The following OCA2 variants were observed in gnomAD, a reference collection of about 807,000 sequenced individuals.
OCA2 encodes P protein.
OCA2 carries 77 observed loss-of-function variants against 100.2 expected under a neutral mutation model. The ratio of observed to expected loss-of-function variants is 0.77; its 90% confidence interval spans 0.64 to 0.93. The LOEUF is 0.93. OCA2 is among the 40% of genes least tolerant of loss of function. OCA2 has a pLI of 0.00. For synonymous variants in OCA2, 432 were observed against 439.2 expected (o/e 0.98, Z 0.21); for missense variants, 1,062 against 1,089.1 (o/e 0.98, Z 0.35).
At chr15:28,018,304 G>C in intron 7 of OCA2, 93 bp downstream of exon 7, 1 of 1,225,876 alleles carries the variant, frequency 8.2e-7, no homozygotes, top group South Asian at 1.2e-5. Flanking sequence ...CCTCGCCTGT[G>C]GCTCCCCATC....
At chr15:27,949,648 G>A (rs2039966817) in intron 18 of OCA2, among the ~76,000 whole-genome samples, 1 of 152,084 alleles carries the variant, frequency 6.6e-6, no homozygotes, top group Non-Finnish European at 1.5e-5. Context: ...GAGCAACAGA[G>A]TGAGACTCTG....
At chr15:27,924,953 T>C (rs962768927) in intron 19 of OCA2, among the ~76,000 whole-genome samples, 4 of 152,080 alleles carry the variant, frequency 2.6e-5, no homozygotes, top group African/African-American at 9.7e-5. Context: ...TATACCAGTA[T>C]CAGGCAAATA....
intron 17 of OCA2, among the ~76,000 whole-genome samples, chr15:27,953,760 C>G (rs184988629): frequency 0.01 from 1,526 of 148,400 alleles, 28 homozygotes; most frequent in African/African-American, 0.035. Flanking sequence ...TTTTTTTTTT[C>G]TTTTTCTTAT....
At chr15:27,824,446 A>G (rs2151284621) in intron 23 of OCA2, among the ~76,000 whole-genome samples, 1 of 151,762 alleles carries the variant, frequency 6.6e-6, no homozygotes, top group South Asian at 2.1e-4. Flanking sequence ...AGAGATAATG[A>G]TCAAGGGCAT....
At chr15:27,873,418 T>C (rs1425049590) in intron 19 of OCA2, among the ~76,000 whole-genome samples, 1 of 152,256 alleles carries the variant, frequency 6.6e-6, no homozygotes. Flanking sequence ...TAATTTATCA[T>C]AATCCAAATT....
chr15:28,018,044 G>A (rs2042456886), intron 7 of OCA2, among the ~76,000 whole-genome samples: 2 of 151,630 alleles, frequency 1.3e-5, no homozygotes, highest in African/African-American at 4.9e-5. Context: ...TGCTGTGGAA[G>A]TGTCTTCTGA....
chr15:27,998,216 A>G (rs1319304212), intron 9 of OCA2, among the ~76,000 whole-genome samples: 1 of 90,134 alleles, frequency 1.1e-5, no homozygotes, highest in African/African-American at 2.7e-5. Context: ...ATTAAACTAA[A>G]GAGCTTCTGC....
intron 23 of OCA2, among the ~76,000 whole-genome samples, chr15:27,771,902 A>G (rs72708994): frequency 0.023 from 3,526 of 152,264 alleles, 61 homozygotes; most frequent in South Asian, 0.034. Context: ...CTAATTTTGT[A>G]TGCTTGCCTT....
At chr15:27,739,991 T>C in the OCA2 span, among the ~76,000 whole-genome samples, 293 of 152,316 alleles carry the variant, frequency 1.9e-3, 1 homozygote, top group African/African-American at 6.9e-3. Flanking sequence ...CTCAGCACAC[T>C]ACTGTTTAAG....
chr15:27,858,407 A>C (rs2036018583), intron 21 of OCA2, among the ~76,000 whole-genome samples: 2 of 151,318 alleles, frequency 1.3e-5, no homozygotes, highest in Admixed American at 1.3e-4. Flanking sequence ...AAAAAAAAAC[A>C]GAAATTGGCA....
chr15:27,771,509 G>A (rs2031863878), intron 23 of OCA2, among the ~76,000 whole-genome samples: 1 of 152,186 alleles, frequency 6.6e-6, no homozygotes, highest in African/African-American at 2.4e-5. Context: ...GCCGCGGGCC[G>A]AGTCCAGCTG....
At position 27,957,778 on chromosome 15, in the gene OCA2, A is replaced by G; in HGVS notation, c.1637-43T>C. Reference sequence around the variant, plus strand: ...CGAAGCTTGGGTCTCCCATGACCTCAGATATCAGCAACACCCTCCTCTGTT... The same window carrying G: ...CGAAGCTTGGGTCTCCCATGACCTCGGATATCAGCAACACCCTCCTCTGTT... On this transcript the variant is annotated intron_variant, in intron 15 of 23. Coordinates refer to ENST00000354638, the MANE Select transcript of OCA2 (RefSeq NM_000275.3). The surrounding 1 kb of genome is among the most constrained non-coding windows in gnomAD (Gnocchi z 4.3). 4 of 1,610,312 alleles carry G rather than the reference A, an allele frequency of 2.5e-6. No individual in the cohort carries two copies. The highest frequency in any genetic ancestry group is 3.4e-6 in the Non-Finnish European group (4 of 1,178,108).
chr15:27,818,040 A>G lies in OCA2; in HGVS notation c.2432+26919T>C, dbSNP rs1253590319. Among the ~76,000 whole-genome samples the G allele has an allele frequency of 2.0e-5, 3 of 152,238 alleles. No individual in the cohort carries two copies. In the East Asian group the frequency reaches 5.8e-4, roughly 29 times the overall value. On this transcript the variant is annotated intron_variant, in intron 23 of 23. Coordinates refer to ENST00000354638, the MANE Select transcript of OCA2 (RefSeq NM_000275.3). The stretch of plus-strand genomic sequence containing the variant: ...AAAACATCCATTCAATTTAACATTT[A>G]TTGGAAAACCTACAGCTATTATACT...
At chr15:27,940,695 T>C (rs1213863102) in intron 18 of OCA2, among the ~76,000 whole-genome samples, 1 of 152,228 alleles carries the variant, frequency 6.6e-6, no homozygotes, top group Admixed American at 6.5e-5. Context: ...TCTGGTCTGT[T>C]TGCAAACGTT....
At chr15:27,929,834 A>G (rs1459908340) in intron 18 of OCA2, among the ~76,000 whole-genome samples, 2 of 67,672 alleles carry the variant, frequency 3.0e-5, no homozygotes, top group African/African-American at 8.5e-5. Flanking sequence ...AATATTTTAA[A>G]CAGACACTTC....
chr15:28,067,175 T>C (rs1237663078), intron 2 of OCA2, among the ~76,000 whole-genome samples: 1 of 152,218 alleles, frequency 6.6e-6, no homozygotes, highest in Non-Finnish European at 1.5e-5. Flanking sequence ...ATCAATAATA[T>C]TATTAAGGTG....
the OCA2 span, among the ~76,000 whole-genome samples, chr15:27,736,423 C>G: frequency 1.3e-5 from 2 of 152,130 alleles, no homozygotes; most frequent in Admixed American, 6.6e-5. Context: ...TTTGTGGACT[C>G]TAAGGTGGCA....
At chr15:27,873,284 A>G (rs112382390) in intron 19 of OCA2, among the ~76,000 whole-genome samples, 5 of 152,198 alleles carry the variant, frequency 3.3e-5, no homozygotes, top group Non-Finnish European at 5.9e-5. Context: ...CACCTCACCA[A>G]CACCAGTGTG....
chr15:27,738,494 G>T, the OCA2 span, among the ~76,000 whole-genome samples: 1 of 152,192 alleles, frequency 6.6e-6, no homozygotes, highest in African/African-American at 2.4e-5. Flanking sequence ...CCAGCATTTT[G>T]GGAGGCCGAG....
Sources: gnomAD v4.1 joint callset for allele counts (sites outside exome capture counted in the v4.1 genomes callset) on GRCh38, gnomAD v4.1.1 for gene constraint, Gnocchi (gnomAD v3.1) non-coding constraint, MANE v1.5 for transcripts, NCBI Gene and HGNC (gene_info 2026-07-23, HGNC 2026-07-21) for gene names.